FOLH1: variants seen among roughly 807,000 people sequenced by gnomAD.
FOLH1 encodes glutamate carboxypeptidase 2.
Under a neutral mutation model 93.9 loss-of-function variants are expected in FOLH1, and 54 were observed. That is an observed-to-expected ratio of 0.57 (90% CI 0.46 to 0.72). FOLH1 has a LOEUF of 0.72. FOLH1 is among the 30% of genes least tolerant of loss of function. The probability of loss-of-function intolerance (pLI) is 0.00; values close to 1 mark genes in which losing one functional copy is unlikely to be tolerated. For synonymous variants in FOLH1, 249 were observed against 303.6 expected (o/e 0.82, Z 1.87); for missense variants, 571 against 892.5 (o/e 0.64, Z 4.59).
chr11:49,175,604 C>T (rs1859907682), intron 8 of FOLH1, among the ~76,000 whole-genome samples: 1 of 152,084 alleles, frequency 6.6e-6, no homozygotes, highest in Admixed American at 6.5e-5. Context: ...TCCTTTAGTT[C>T]AAAGTGCTCA....
At chr11:49,187,386 C>T (rs1861534117) in intron 4 of FOLH1, among the ~76,000 whole-genome samples, 1 of 151,938 alleles carries the variant, frequency 6.6e-6, no homozygotes, top group Admixed American at 6.6e-5. Flanking sequence ...ACAATGTCCC[C>T]CTTCATCTAA....
At chr11:49,168,323 G>A (rs1221673992) in intron 12 of FOLH1, among the ~76,000 whole-genome samples, 8 of 148,524 alleles carry the variant, frequency 5.4e-5, no homozygotes. Context: ...CAATGGCTGG[G>A]ATGTTGCATA....
chr11:49,149,166 C>T (rs1390885229), intron 17 of FOLH1, among the ~76,000 whole-genome samples: 2 of 151,890 alleles, frequency 1.3e-5, no homozygotes, highest in East Asian at 1.9e-4. Context: ...ATGTAAATGA[C>T]GAGTCCTCTG....
Position 49,208,362 on chromosome 11 carries a change from G to A in FOLH1, c.48C>T (p.Arg16=), listed in dbSNP as rs756559634. ...HETDSAVATA[R]RPRWLCAGAL... ...CCCCAGCGCACAGCCAGCGCGGGCG[G>A]CGCGCGGTGGCCACAGCCGAGTCGG... The change falls in exon 1 of 19, where the codon CGC becomes CGT. Residue 16 remains arginine, a synonymous_variant. Coordinates refer to ENST00000256999, the MANE Select transcript of FOLH1 (RefSeq NM_004476.3). 11 of 1,602,382 alleles carry A rather than the reference G, an allele frequency of 6.9e-6. No homozygotes were observed. The highest frequency in any genetic ancestry group is 1.3e-5 in the African/African-American group (1 of 74,662).
chr11:49,196,917 G>A (rs1262715509), intron 3 of FOLH1, among the ~76,000 whole-genome samples: 1 of 152,222 alleles, frequency 6.6e-6, no homozygotes, highest in East Asian at 1.9e-4. Context: ...GGGATTTGGA[G>A]ATGAGGAGGG....
chr11:49,201,125 GA>G (rs1465565935), intron 2 of FOLH1, among the ~76,000 whole-genome samples: 4 of 151,828 alleles, frequency 2.6e-5, no homozygotes. Context: ...AATATATTTA[GA>G]TTCTGGTGCT....
chr11:49,207,713 T>C (rs1254104293), intron 1 of FOLH1: 15 of 359,276 alleles, frequency 4.2e-5, no homozygotes, highest in Admixed American at 1.9e-4. Context: ...TCAAGGCCAC[T>C]AAGAAGTGGC....
At chr11:49,190,808 T>C (rs1861943578) in intron 4 of FOLH1, among the ~76,000 whole-genome samples, 1 of 152,220 alleles carries the variant, frequency 6.6e-6, no homozygotes, top group South Asian at 2.1e-4. Context: ...CAAAGATTAC[T>C]GATCGTGAAT....
At chr11:49,149,109 C>T (rs569207460) in intron 17 of FOLH1, among the ~76,000 whole-genome samples, 14 of 149,636 alleles carry the variant, frequency 9.4e-5, no homozygotes, top group African/African-American at 2.9e-4. Context: ...CAGGGCCTGT[C>T]GTGGGGTGGG....
rs762293067 is a variant in FOLH1 at position 49,145,350 on chromosome 11, C to T, written c.*1406G>A. On this transcript the variant is annotated 3_prime_UTR_variant, in exon 19 of 19. Coordinates refer to ENST00000256999, the MANE Select transcript of FOLH1 (RefSeq NM_004476.3). Reference sequence around the variant, plus strand: ...CAAATGACATCTCCAGCATCTGACACGGAGGGCATACAGAGCTACACCAGT... The same window carrying T: ...CAAATGACATCTCCAGCATCTGACATGGAGGGCATACAGAGCTACACCAGT... Among the ~76,000 whole-genome samples the T allele has an allele frequency of 3.3e-5, 5 of 152,110 alleles. No homozygotes were observed. The highest frequency in any genetic ancestry group is 9.7e-5 in the African/African-American group (4 of 41,436).
At chr11:49,179,030 A>C (rs1860420759) in intron 7 of FOLH1, among the ~76,000 whole-genome samples, 1 of 152,244 alleles carries the variant, frequency 6.6e-6, no homozygotes, top group African/African-American at 2.4e-5. Flanking sequence ...ACAGAACATC[A>C]CAGAGCAAAG....
chr11:49,179,949 C>G (rs1272476459), intron 7 of FOLH1, among the ~76,000 whole-genome samples: 10 of 152,150 alleles, frequency 6.6e-5, no homozygotes, highest in Admixed American at 2.6e-4. Context: ...AAAAGTCATT[C>G]TATAAATGTT....
intron 8 of FOLH1, 53 bp from the exon 9 acceptor site, chr11:49,175,030 A>T (rs1290407406): frequency 1.1e-5 from 17 of 1,534,588 alleles, no homozygotes; most frequent in Non-Finnish European, 1.8e-6. Context: ...TAACAGATTA[A>T]CACTATAAGG....
chr11:49,169,177 G>C lies in FOLH1; in HGVS notation c.1372+18C>G. The C allele has an allele frequency of 6.2e-7, 1 of 1,611,126 alleles. No homozygotes were observed. The highest frequency in any genetic ancestry group is 8.5e-7 in the Non-Finnish European group (1 of 1,177,870). On this transcript the variant is annotated intron_variant, in intron 12 of 18. Coordinates refer to ENST00000256999, the MANE Select transcript of FOLH1 (RefSeq NM_004476.3). ...CTAGTTTAATCACATCTTTTCTTAT[G>C]AGACCAACGATATTCACCTTCTATA...
At chr11:49,167,648 C>T (rs1279922166) in intron 12 of FOLH1, among the ~76,000 whole-genome samples, 2 of 152,022 alleles carry the variant, frequency 1.3e-5, no homozygotes, top group Admixed American at 1.3e-4. Context: ...AATGTCATCT[C>T]CACTAAAAAT....
intron 5 of FOLH1, 32 bp downstream of exon 5, chr11:49,186,612 G>T (rs370403423): frequency 2.3e-5 from 36 of 1,593,866 alleles, no homozygotes; most frequent in Non-Finnish European, 3.1e-5. Flanking sequence ...TTACATTGGG[G>T]GAGAGAAAAA....
chr11:49,158,063 A>C lies in FOLH1; in HGVS notation c.1441-20T>G. The C allele has an allele frequency of 6.5e-7, 1 of 1,531,310 alleles. No homozygotes were observed. Among genetic ancestry groups the C allele is most frequent in the Non-Finnish European group, 8.8e-7 (1 of 1,133,998 alleles). 94.9% of individuals were successfully genotyped at this position (1,531,310 alleles called of 1,614,324 possible). A position where few individuals can be genotyped will look rare whatever the true frequency, so the allele number is the denominator to read the frequency against. On this transcript the variant is annotated intron_variant, in intron 13 of 18. Coordinates refer to ENST00000256999, the MANE Select transcript of FOLH1 (RefSeq NM_004476.3). The stretch of plus-strand genomic sequence containing the variant: ...TTTCAGCTACACAAATTAAAAGAAA[A>C]AAAGAGAATACTTACAAATCAGATA...
At chr11:49,202,330 T>C (rs1863340542) in intron 2 of FOLH1, among the ~76,000 whole-genome samples, 1 of 152,294 alleles carries the variant, frequency 6.6e-6, no homozygotes, top group African/African-American at 2.4e-5. Flanking sequence ...TTACAAATTT[T>C]CCCAAATAGC....
At chr11:49,186,813 A>G (rs773252374) in intron 4 of FOLH1, 44 bp from the exon 5 acceptor site, 2 of 1,541,524 alleles carry the variant, frequency 1.3e-6, no homozygotes, top group South Asian at 1.3e-5. Context: ...GATATAAAAC[A>G]AGGAGGTTTT....
Sources: gnomAD v4.1 joint callset for allele counts (sites outside exome capture counted in the v4.1 genomes callset) on GRCh38, gnomAD v4.1.1 for gene constraint, MANE v1.5 for transcripts, NCBI Gene and HGNC (gene_info 2026-07-23, HGNC 2026-07-21) for gene names.